GPR179: variants seen among roughly 807,000 people sequenced by gnomAD.
GPR179 encodes the protein G protein-coupled receptor 179, also known as probable G protein-coupled receptor 179.
A neutral mutation model predicts 70.8 loss-of-function variants in GPR179; 52 were observed. That is an observed-to-expected ratio of 0.73 (90% CI 0.59 to 0.93). GPR179 has a LOEUF of 0.93. Among genes scored for constraint, GPR179 ranks in the 40% least tolerant of loss-of-function variants. GPR179 has a pLI of 0.00. For missense variants in GPR179, 2,734 were observed against 2,966.8 expected, an observed-to-expected ratio of 0.92 and a Z score of 1.82; for synonymous variants, 1,123 against 1,169.0, an observed-to-expected ratio of 0.96 and a Z score of 0.80.
chr17:38,333,577 G>A (rs1249668968), intron 9 of GPR179, among the ~76,000 whole-genome samples, 180 bp from the exon 10 acceptor site: 1 of 152,198 alleles, frequency 6.6e-6, no homozygotes, highest in Non-Finnish European at 1.5e-5. Flanking sequence ...CTCTAGCTCA[G>A]ACAGCAGGGT....
In GPR179 at chr17:38,330,926, G is replaced by A. The variant is rs2037351170; in HGVS notation, c.2643C>T (p.Ser881=). 1 of 1,608,504 alleles carries A rather than the reference G, an allele frequency of 6.2e-7. No individual in the cohort carries two copies. Among genetic ancestry groups the A allele is most frequent in the Non-Finnish European group, 8.5e-7 (1 of 1,177,986 alleles). The part of the protein sequence containing the change: ...ERKKAKAAMA[S]LVRRPSARRL... ...TCCTGGCTGATGGCCTCCGCACCAG[G>A]CTGGCCATGGCTGCCTTGGCCTTCT... is the stretch of plus-strand genomic sequence containing the variant. Residue 881 remains serine (S), a synonymous_variant, in exon 11 of 11, where the codon AGC becomes AGT. Transcript: ENST00000616987.
Position 38,331,370 on chromosome 17 carries a change from C to T in GPR179, c.2199G>A (p.Gln733=), listed in dbSNP as rs1212915409. Reference sequence around the variant, plus strand: ...CTGGGGATCCTGAGTCCCGGGAGTGCTGCCTGGCCAGGGCCTCGGGGAATT... The same window carrying T: ...CTGGGGATCCTGAGTCCCGGGAGTGTTGCCTGGCCAGGGCCTCGGGGAATT... ...LAEFPEALAR[Q]HSRDSGSPGH... is the part of the protein sequence containing the mutation. Residue 733 remains glutamine (Q), a synonymous_variant, in exon 11 of 11, where the codon CAG becomes CAA. Transcript: ENST00000616987. 6.2e-7 allele frequency: 1 copy of T among 1,613,394 alleles called. No homozygotes were observed. Among genetic ancestry groups the T allele is most frequent in the Non-Finnish European group, 8.5e-7 (1 of 1,179,788 alleles).
rs2037273061 is a variant in GPR179 at position 38,325,070 on chromosome 17, G to A, written c.*1395C>T. Among the ~76,000 whole-genome samples, 1 of 152,042 alleles carries A rather than the reference G, an allele frequency of 6.6e-6. No individual in the cohort carries two copies. The highest frequency in any genetic ancestry group is 6.6e-5 in the Admixed American group (1 of 15,262). ...TTACTGCCATCTTTAGTGCCCCTGT[G>A]CAGCTCTGCCTTCTCTAGCTGCCCC... On this transcript the variant is annotated 3_prime_UTR_variant, in exon 11 of 11. Coordinates refer to ENST00000616987, the MANE Select transcript of GPR179 (RefSeq NM_001004334.4).
intron 3 of GPR179, among the ~76,000 whole-genome samples, 199 bp from the exon 4 acceptor site, chr17:38,337,412 C>T (rs1301076723): frequency 6.6e-6 from 1 of 152,112 alleles, no homozygotes; most frequent in Non-Finnish European, 1.5e-5. Context: ...CCTTGAGAGG[C>T]CAACTTGCAT....
At position 38,334,599 on chromosome 17, in the gene GPR179, G is replaced by A. The variant is rs544767899; in HGVS notation, c.1784+105C>T. The A allele has an allele frequency of 3.6e-5, 46 of 1,285,772 alleles. No homozygotes were observed. Among genetic ancestry groups the A allele is most frequent in the Middle Eastern group, 2.2e-4 (1 of 4,608 alleles). The allele number at this position is 1,285,772 out of a possible 1,614,324, so 79.6% of individuals were successfully genotyped here. On this transcript the variant is annotated intron_variant, in intron 8 of 10. Coordinates refer to ENST00000616987, the MANE Select transcript of GPR179 (RefSeq NM_001004334.4). This position sits in a 1 kb window ranked among gnomAD's most constrained non-coding sequence, Gnocchi z 4.7. ...GGGGCCTTCGTCAACGTGCTGAGGCGTAGCAGTGTTGCCAGGATGGCATGG... is the reference window on the plus strand; with the variant it reads ...GGGGCCTTCGTCAACGTGCTGAGGCATAGCAGTGTTGCCAGGATGGCATGG...
chr17:38,338,820 C>G (rs779170180), intron 2 of GPR179, among the ~76,000 whole-genome samples: 3 of 152,212 alleles, frequency 2.0e-5, no homozygotes, highest in Non-Finnish European at 2.9e-5. Flanking sequence ...TGCATGATTT[C>G]CAGCCAGTGC....
At position 38,328,795 on chromosome 17, in the gene GPR179, T is replaced by G; in HGVS notation, c.4774A>C (p.Ile1592Leu). The change falls in exon 11 of 11, where the codon ATC becomes CTC. Residue 1592 changes from isoleucine to leucine, a missense_variant. Coordinates refer to ENST00000616987, the MANE Select transcript of GPR179 (RefSeq NM_001004334.4). ...AQEATPAKTE[I>L]CPWEVNERTR... ...CTTTCATTTACCTCCCAGGGACAGA[T>G]TTCTGTTTTGGCAGGTGTTGCTTCC... 1 of 1,613,886 alleles carries G rather than the reference T, an allele frequency of 6.2e-7. No individual in the cohort carries two copies. Among genetic ancestry groups the G allele is most frequent in the South Asian group, 1.1e-5 (1 of 91,060 alleles).
Position 38,343,773 on chromosome 17 carries a change from G to A in GPR179, c.17C>T (p.Ala6Val), listed in dbSNP as rs758334393. 139 of 1,515,994 alleles carry A rather than the reference G, an allele frequency of 9.2e-5. No individual in the cohort carries two copies. The highest frequency in any genetic ancestry group is 1.2e-4 in the Non-Finnish European group (131 of 1,133,740). The allele number at this position is 1,515,994 out of a possible 1,614,324, so 93.9% of individuals were successfully genotyped here. Residue 6 changes from alanine to valine, a missense_variant, in exon 1 of 11, where the codon GCG (alanine) becomes GTG (valine). Physicochemically the swap from Ala to Val is moderately conservative, Grantham distance 64 (BLOSUM62 0). Coordinates refer to ENST00000616987, the MANE Select transcript of GPR179 (RefSeq NM_001004334.4). This position sits in a 1 kb window ranked among gnomAD's most constrained non-coding sequence, Gnocchi z 4.2. The part of the protein sequence containing the change: MGTRG[A>V]VMPPPMWGLL... ...CCCCCACATAGGAGGGGGCATGACC[G>A]CTCCCCTGGTGCCCATCCTTGGGGC...
intron 10 of GPR179, among the ~76,000 whole-genome samples, chr17:38,332,262 C>A (rs1372023174): frequency 6.6e-6 from 1 of 152,158 alleles, no homozygotes; most frequent in African/African-American, 2.4e-5. Flanking sequence ...GGTGTGAAGA[C>A]GGCCCCAGTA....
At chr17:38,338,092 G>A (rs1189334011) in intron 2 of GPR179, among the ~76,000 whole-genome samples, 1 of 152,220 alleles carries the variant, frequency 6.6e-6, no homozygotes, top group Non-Finnish European at 1.5e-5. Context: ...TACCTTGTGT[G>A]CCTACATCCT....
rs1482225126 is a variant in GPR179, at chr17:38,331,045, T to C, written c.2524A>G (p.Ser842Gly). The change falls in exon 11 of 11, where the codon AGT (serine) becomes GGT (glycine). Residue 842 changes from serine to glycine, a missense_variant. Physicochemically the swap from Ser to Gly is moderately conservative, Grantham distance 56 (BLOSUM62 0). Coordinates refer to ENST00000616987, the MANE Select transcript of GPR179 (RefSeq NM_001004334.4). ...GCCTTTTCCCTGGAGCTGGCCACAC[T>C]GAGCGACTTCTGCAGAGAGGCGGGC... ...ARPASLQKSL[S>G]VASSREKALL... 1.9e-6 allele frequency: 3 copies of C among 1,608,082 alleles called. No homozygotes were observed. Among genetic ancestry groups the C allele is most frequent in the Non-Finnish European group, 2.5e-6 (3 of 1,179,942 alleles).
chr17:38,339,686 G>A (rs550079299), intron 1 of GPR179, among the ~76,000 whole-genome samples, 161 bp from the exon 2 acceptor site: 13 of 152,282 alleles, frequency 8.5e-5, no homozygotes, highest in African/African-American at 3.1e-4. Flanking sequence ...CAGAAGTAAG[G>A]TCTCTCCGAC....
Position 38,328,480 on chromosome 17 carries a change from A to C in GPR179, c.5089T>G (p.Leu1697Val), listed in dbSNP as rs202030098. The C allele has an allele frequency of 3.1e-4, 497 of 1,608,910 alleles. 3 individuals are homozygous for C. In the African/African-American group the frequency reaches 6.1e-3, roughly 20 times the overall value. Residue 1697 changes from leucine to valine, a missense_variant, in exon 11 of 11, where the codon TTG becomes GTG. Transcript: ENST00000616987. ...DICPLDVEEN[L>V]TAGKAEICPW... Reference sequence around the variant, plus strand: ...CAGATTTCTGCCTTCCCAGCAGTCAAGTTTTCCTCCACATCCAAAGGGCAA... The same window carrying C: ...CAGATTTCTGCCTTCCCAGCAGTCACGTTTTCCTCCACATCCAAAGGGCAA...
Position 38,337,132 on chromosome 17 carries a change from G to T in GPR179, c.1073C>A (p.Pro358Gln). The T allele has an allele frequency of 6.2e-7, 1 of 1,612,752 alleles. No homozygotes were observed. Residue 358 changes from proline to glutamine, a missense_variant, in exon 4 of 11, where the codon CCA becomes CAA. Coordinates refer to ENST00000616987, the MANE Select transcript of GPR179 (RefSeq NM_001004334.4). ...GCAGCTGGTGCAGCCCTCAGGACAT[G>T]GCAGACACTGCAGCAGTCTCCCAGA... ...GRSGRLLQCL[P>Q]CPEGCTSCMD...
chr17:38,330,060 C>A lies in GPR179; in HGVS notation c.3509G>T (p.Arg1170Leu), dbSNP rs531239274. 1.9e-6 allele frequency: 3 copies of A among 1,614,178 alleles called. No individual in the cohort carries two copies. Among genetic ancestry groups the A allele is most frequent in the Admixed American group, 1.7e-5 (1 of 60,022 alleles). Residue 1170 changes from arginine (R) to leucine (L), a missense_variant, in exon 11 of 11, where the codon CGG (arginine) becomes CTG (leucine). By Grantham distance (102) the Arg-to-Leu change is moderately radical (BLOSUM62 -2). Coordinates refer to ENST00000616987, the MANE Select transcript of GPR179 (RefSeq NM_001004334.4). Reference protein sequence around the residue: ...HTSRMLQVCQREGSREQEDRG... With the variant: ...HTSRMLQVCQLEGSREQEDRG... ...GTCTTCTTGTTCCCTGCTGCCCTCC[C>A]GTTGACAGACTTGGAGCATCCTGCT... is the stretch of plus-strand genomic sequence containing the variant.
chr17:38,330,471 A>G lies in GPR179; in HGVS notation c.3098T>C (p.Leu1033Pro), dbSNP rs1476972143. The G allele has an allele frequency of 6.4e-7, 1 of 1,560,002 alleles. No individual in the cohort carries two copies. Among genetic ancestry groups the G allele is most frequent in the Admixed American group, 1.8e-5 (1 of 54,372 alleles). The change falls in exon 11 of 11, where the codon CTC (leucine) becomes CCC (proline). Residue 1033 changes from leucine (L) to proline (P), a missense_variant. Leu to Pro is a moderately conservative substitution (Grantham distance 98, BLOSUM62 -3). Coordinates refer to ENST00000616987, the MANE Select transcript of GPR179 (RefSeq NM_001004334.4). ...APARARLWRALSVAVEKSRAG... is the reference protein window; with the variant it reads ...APARARLWRAPSVAVEKSRAG... ...CCTGCTTTTCTCTACTGCAACAGAG[A>G]GGGCCCTCCAGAGCCTGGCTCGAGC...
intron 1 of GPR179, 22 bp from the exon 2 acceptor site, chr17:38,339,547 TA>T (rs1258743093): frequency 1.3e-6 from 2 of 1,548,454 alleles, no homozygotes; most frequent in Non-Finnish European, 1.8e-6. Flanking sequence ...AATTGGCAAT[TA>T]GGGGCACAGT....
Position 38,329,483 on chromosome 17 carries a change from C to T in GPR179, c.4086G>A (p.Gly1362=), listed in dbSNP as rs1460071843. Residue 1362 remains glycine, a synonymous_variant, in exon 11 of 11, where the codon GGG becomes GGA. Transcript: ENST00000616987. ...GAGCTTCTGGGCCAGCAGCTTCCCA[C>T]CCAGGCTTCTCCACCTTCCTGGCCT... The part of the protein sequence containing the change: ...SVEARKVEKP[G]WEAAGPEAHT... 2 of 1,614,096 alleles carry T rather than the reference C, an allele frequency of 1.2e-6. No homozygotes were observed. Among genetic ancestry groups the T allele is most frequent in the Non-Finnish European group, 1.7e-6 (2 of 1,180,016 alleles).
At position 38,343,456 on chromosome 17, in the gene GPR179, G is replaced by A; in HGVS notation, c.334C>T (p.Leu112=). ...TCACGGATGTCGTTGGCTTGCAGCA[G>A]CATGTTGAGAAAATTGGCGGCCTGG... ...LAQAANFLNM[L]LQANDIRESS... is the part of the protein sequence containing the mutation. Residue 112 remains leucine, a synonymous_variant, in exon 1 of 11, where the codon CTG becomes TTG. Transcript: ENST00000616987. The surrounding 1 kb of genome is among the most constrained non-coding windows in gnomAD (Gnocchi z 4.2). The A allele has an allele frequency of 1.2e-6, 2 of 1,614,080 alleles. No individual in the cohort carries two copies. The highest frequency in any genetic ancestry group is 1.7e-6 in the Non-Finnish European group (2 of 1,180,028).
Sources: allele counts gnomAD v4.1 joint callset (sites outside exome capture counted in the v4.1 genomes callset), GRCh38; gene constraint gnomAD v4.1.1; non-coding constraint Gnocchi (gnomAD v3.1); transcripts MANE v1.5; gene names NCBI Gene and HGNC (gene_info 2026-07-23, HGNC 2026-07-21).